SPART: variants seen among roughly 807,000 people sequenced by gnomAD.
SPART encodes the protein spartin.
In SPART, 35 loss-of-function variants were observed where a neutral mutation model predicts 58.7. The ratio of observed to expected loss-of-function variants is 0.60; its 90% confidence interval spans 0.46 to 0.79. SPART has a LOEUF of 0.79. Among genes scored for constraint, SPART ranks in the 30% least tolerant of loss-of-function variants. The probability of loss-of-function intolerance (pLI) is 0.00; values close to 1 mark genes in which losing one functional copy is unlikely to be tolerated. For missense variants in SPART, 730 were observed against 786.1 expected (o/e 0.93, Z 0.85); for synonymous variants, 284 against 280.7 (o/e 1.01, Z -0.12).
chr13:36,368,162 A>T (rs1361814373), intron 1 of SPART: 1 of 457,280 alleles, frequency 2.2e-6, no homozygotes, highest in Admixed American at 2.5e-5. Context: ...ACAAAAAATA[A>T]ATTCTTTCAT....
At chr13:36,358,661 C>T (rs999497119) in intron 1 of SPART, among the ~76,000 whole-genome samples, 1 of 152,154 alleles carries the variant, frequency 6.6e-6, no homozygotes, top group African/African-American at 2.4e-5. Context: ...CACAGCATAG[C>T]TGAGCATCAC....
At chr13:36,361,333 A>G (rs1885851906) in intron 1 of SPART, among the ~76,000 whole-genome samples, 1 of 152,212 alleles carries the variant, frequency 6.6e-6, no homozygotes, top group Non-Finnish European at 1.5e-5. Flanking sequence ...AATTTTTCAA[A>G]CACAAGCACC....
chr13:36,334,684 T>C (rs1208674385), intron 2 of SPART, among the ~76,000 whole-genome samples: 1 of 152,154 alleles, frequency 6.6e-6, no homozygotes, highest in African/African-American at 2.4e-5. Flanking sequence ...TATTTACAGC[T>C]ATACATCCAC....
At chr13:36,362,298 G>A (rs1490780044) in intron 1 of SPART, among the ~76,000 whole-genome samples, 1 of 148,270 alleles carries the variant, frequency 6.7e-6, no homozygotes, top group African/African-American at 2.5e-5. Flanking sequence ...GTTGCAGTGA[G>A]CTGCAATTAC....
chr13:36,341,647 C>T (rs1483323994), intron 1 of SPART, among the ~76,000 whole-genome samples: 1 of 152,170 alleles, frequency 6.6e-6, no homozygotes, highest in Non-Finnish European at 1.5e-5. Context: ...GCAATCTACA[C>T]TATGAAAGCA....
intron 1 of SPART, among the ~76,000 whole-genome samples, chr13:36,339,211 G>A (rs983138620): frequency 5.9e-5 from 9 of 152,048 alleles, no homozygotes; most frequent in East Asian, 3.9e-4. Flanking sequence ...AAGGAACTCC[G>A]GGAAATTAAA....
rs1482778290 is a variant in SPART at position 36,304,420 on chromosome 13, CCT to C, written c.1944_1945del (p.Lys651GlyfsTer2). ...TTCCTTCGTCTGCTCATCCTTCTCC[CCT>C]CTCACGTTGACATTTGCTGCTCCTT... On this transcript the variant is annotated frameshift_variant, in exon 9 of 9. Coordinates refer to ENST00000438666, the MANE Select transcript of SPART (RefSeq NM_015087.5). LOFTEE classifies it high-confidence loss of function. 3.7e-6 allele frequency: 6 copies of C among 1,614,046 alleles called. No homozygotes were observed. The highest frequency in any genetic ancestry group is 5.1e-6 in the Non-Finnish European group (6 of 1,179,996).
rs1248421258 is a variant in SPART at position 36,335,620 on chromosome 13, A to G, written c.211T>C (p.Trp71Arg). Residue 71 changes from tryptophan (W) to arginine (R), a missense_variant, in exon 2 of 9, where the codon TGG becomes CGG. Physicochemically the swap from Trp to Arg is moderately radical, Grantham distance 101 (BLOSUM62 -3). Transcript: ENST00000438666. ...SKESEHTGPG[W>R]ESARQMQQKM... is the part of the protein sequence containing the mutation. ...TGTTGCATCTGTCTAGCAGATTCCC[A>G]CCCAGGACCTGTGTGTTCAGACTCT... The G allele has an allele frequency of 6.2e-7, 1 of 1,613,700 alleles. No homozygotes were observed. Among genetic ancestry groups the G allele is most frequent in the Non-Finnish European group, 8.5e-7 (1 of 1,179,952 alleles).
In SPART at chr13:36,335,230, ACTC is replaced by A. The variant is rs1204671069; in HGVS notation, c.598_600del (p.Glu200del). The stretch of plus-strand genomic sequence containing the variant: ...GGTGGCTGAGAATGATTCCTATAAA[ACTC>A]CTCTCCAACTGATGAAAACTCCCCA... On this transcript the variant is annotated inframe_deletion, in exon 2 of 9. Coordinates refer to ENST00000438666, the MANE Select transcript of SPART (RefSeq NM_015087.5). 6.2e-7 allele frequency: 1 copy of A among 1,613,800 alleles called. No individual in the cohort carries two copies. The highest frequency in any genetic ancestry group is 1.7e-5 in the Admixed American group (1 of 59,978).
rs552371277 is a variant in SPART, at chr13:36,319,294, C to G, written c.1289-4873G>C. Among the ~76,000 whole-genome samples the G allele has an allele frequency of 7.6e-4, 115 of 151,436 alleles. 4 individuals carry two copies. The South Asian group carries it at 0.022, about 29-fold the overall frequency. ...TGCCACCCTTCTTCCCAATCCAAAG[C>G]CTCCTTTGCGTCCCCCTCTTGTATC... On this transcript the variant is annotated intron_variant, in intron 5 of 8. Coordinates refer to ENST00000438666, the MANE Select transcript of SPART (RefSeq NM_015087.5).
chr13:36,356,186 G>A (rs1440749334), intron 1 of SPART, among the ~76,000 whole-genome samples: 1 of 152,176 alleles, frequency 6.6e-6, no homozygotes, highest in Non-Finnish European at 1.5e-5. Context: ...ACCCCCTAGT[G>A]GTGTTGACTC....
At chr13:36,343,983 T>C (rs568448336) in intron 1 of SPART, among the ~76,000 whole-genome samples, 1 of 149,554 alleles carries the variant, frequency 6.7e-6, no homozygotes, top group East Asian at 2.0e-4. Flanking sequence ...GAGCTATGAC[T>C]GCACCACTGC....
intron 1 of SPART, among the ~76,000 whole-genome samples, chr13:36,353,077 A>T (rs1885482947): frequency 6.6e-6 from 1 of 152,244 alleles, no homozygotes; most frequent in African/African-American, 2.4e-5. Context: ...TGCTGTTGTG[A>T]TGTATGAAGC....
chr13:36,366,586 C>T (rs956991018), intron 1 of SPART, among the ~76,000 whole-genome samples: 1 of 152,136 alleles, frequency 6.6e-6, no homozygotes, highest in Non-Finnish European at 1.5e-5. Flanking sequence ...GTTGAAATTT[C>T]GAGTGCATCT....
At chr13:36,316,273 T>C (rs932491180) in intron 5 of SPART, among the ~76,000 whole-genome samples, 1 of 152,212 alleles carries the variant, frequency 6.6e-6, no homozygotes, top group Non-Finnish European at 1.5e-5. Flanking sequence ...ACAGTTGTTA[T>C]TAAAAACAGA....
chr13:36,314,449 C>A (rs1881471597), intron 5 of SPART, 28 bp from the exon 6 acceptor site: 1 of 1,598,506 alleles, frequency 6.3e-7, no homozygotes, highest in African/African-American at 1.3e-5. Flanking sequence ...TAAAATTGCA[C>A]AATATTAGGG....
Position 36,335,030 on chromosome 13 carries a change from C to A in SPART, c.801G>T (p.Gly267=). ...TTTTTCTTTCGCTTACCTGAAGAAA[C>A]CCGGGAGGACGGTTTAGAACCGTAT... ...SLDTVLNRPP[G]FLQVCDWLYP... Residue 267 remains glycine (G), a synonymous_variant, in exon 2 of 9, where the codon GGG becomes GGT. Coordinates refer to ENST00000438666, the MANE Select transcript of SPART (RefSeq NM_015087.5). 2 of 1,613,814 alleles carry A rather than the reference C, an allele frequency of 1.2e-6. No individual in the cohort carries two copies. Among genetic ancestry groups the A allele is most frequent in the South Asian group, 1.1e-5 (1 of 91,048 alleles).
chr13:36,307,435 A>G (rs562133537), intron 8 of SPART, among the ~76,000 whole-genome samples: 19 of 152,216 alleles, frequency 1.2e-4, no homozygotes, highest in Admixed American at 4.6e-4. Context: ...CAAACCAATA[A>G]ATCAGCTACA....
chr13:36,334,313 G>C (rs566705076), intron 2 of SPART, among the ~76,000 whole-genome samples: 1 of 152,232 alleles, frequency 6.6e-6, no homozygotes, highest in East Asian at 1.9e-4. Context: ...TTTACTCTTA[G>C]ACCAAGTGCA....
Sources: gnomAD v4.1 joint callset for allele counts (sites outside exome capture counted in the v4.1 genomes callset) on GRCh38, gnomAD v4.1.1 for gene constraint, MANE v1.5 for transcripts, NCBI Gene and HGNC (gene_info 2026-07-23, HGNC 2026-07-21) for gene names.